The following GAB3 variants were observed in gnomAD, a reference collection of about 807,000 sequenced individuals.
The protein encoded by GAB3 is GRB2 associated binding protein 3, also known as GRB2-associated-binding protein 3.
A neutral mutation model predicts 40.4 loss-of-function variants in GAB3; 12 were observed. The ratio of observed to expected loss-of-function variants is 0.30; its 90% confidence interval spans 0.19 to 0.48. The LOEUF (loss-of-function observed/expected upper bound fraction) is 0.48, where lower values mean the gene tolerates loss of function less well. Among genes scored for constraint, GAB3 ranks in the 20% least tolerant of loss-of-function variants. The probability of loss-of-function intolerance (pLI) is 0.99; values close to 1 mark genes in which losing one functional copy is unlikely to be tolerated. For synonymous variants in GAB3, 154 were observed against 176.7 expected, an observed-to-expected ratio of 0.87 and a Z score of 1.02; for missense variants, 381 against 461.9, an observed-to-expected ratio of 0.82 and a Z score of 1.61.
At chrX:154,742,219 A>T (rs151045236) in intron 1 of GAB3, among the ~76,000 whole-genome samples, 1 of 112,398 alleles carries the variant, frequency 8.9e-6, no homozygotes, top group African/African-American at 3.2e-5. Context: ...AAAATACAAC[A>T]TATCACCAGA....
chrX:154,735,012 A>G (rs1038143130), intron 1 of GAB3, among the ~76,000 whole-genome samples: 4 of 52,870 alleles, frequency 7.6e-5, no homozygotes, highest in Admixed American at 5.6e-4. Flanking sequence ...GATAAATATG[A>G]ATGACCTAAT....
chrX:154,738,155 G>A (rs1557260761), intron 1 of GAB3, among the ~76,000 whole-genome samples: 1 of 112,507 alleles, frequency 8.9e-6, no homozygotes, highest in African/African-American at 3.2e-5. Flanking sequence ...AAGTCCGTTT[G>A]ACAGGAAGCT....
intron 1 of GAB3, among the ~76,000 whole-genome samples, chrX:154,735,637 T>G (rs1290580707): frequency 1.8e-5 from 2 of 112,137 alleles, no homozygotes; most frequent in African/African-American, 6.5e-5. Flanking sequence ...GCATCTCACC[T>G]GTATCACTGC....
intron 3 of GAB3, 43 bp downstream of exon 3, chrX:154,713,164 G>T: frequency 9.2e-7 from 1 of 1,083,695 alleles, no homozygotes; most frequent in Non-Finnish European, 1.3e-6. Flanking sequence ...TAGAGAGCAT[G>T]CTAGCAGGCC....
At chrX:154,733,847 G>C (rs1462567253) in intron 1 of GAB3, among the ~76,000 whole-genome samples, 2 of 112,228 alleles carry the variant, frequency 1.8e-5, no homozygotes, top group Non-Finnish European at 3.8e-5. Context: ...CATAGCTCAA[G>C]AGATCTCAAA....
In GAB3 at chrX:154,712,644, T is replaced by C. The variant is rs1325826702; in HGVS notation, c.654A>G (p.Ser218=). ...GGCAGTCAACAAAAACATCATCAAA[T>C]GAAGCCTGTTCCAATGAACGGTCTG... ...SNSDRSLEQA[S]FDDVFVDCLQ... is the part of the protein sequence containing the mutation. The change falls in exon 4 of 10, where the codon TCA becomes TCG. Residue 218 remains serine (S), a synonymous_variant. Transcript: ENST00000424127. 8.8e-7 allele frequency: 1 copy of C among 1,138,988 alleles called. No individual in the cohort carries two copies. Among genetic ancestry groups the C allele is most frequent in the African/African-American group, 1.8e-5 (1 of 54,864 alleles). 93.9% of individuals were successfully genotyped at this position (1,138,988 alleles called of 1,213,427 possible). A position where few individuals can be genotyped will look rare whatever the true frequency, so the allele number is the denominator to read the frequency against.
intron 8 of GAB3, among the ~76,000 whole-genome samples, chrX:154,694,858 A>G (rs1255031666): frequency 1.8e-5 from 2 of 112,054 alleles, no homozygotes; most frequent in East Asian, 2.8e-4. Context: ...TCTTCTAGAA[A>G]TTTCCCAAGG....
At chrX:154,715,373 G>A (rs1557257410) in intron 2 of GAB3, among the ~76,000 whole-genome samples, 1 of 110,023 alleles carries the variant, frequency 9.1e-6, no homozygotes, top group Non-Finnish European at 1.9e-5. Flanking sequence ...AATATACCTG[G>A]AAAATTACAT....
chrX:154,693,588 T>C (rs1471215070), intron 8 of GAB3, among the ~76,000 whole-genome samples: 1 of 111,375 alleles, frequency 9.0e-6, no homozygotes, highest in Non-Finnish European at 1.9e-5. Flanking sequence ...GGGTTACAGG[T>C]GAAGGGAGGA....
At chrX:154,718,588 A>G (rs1044031511) in intron 1 of GAB3, among the ~76,000 whole-genome samples, 28 of 111,534 alleles carry the variant, frequency 2.5e-4, no homozygotes, top group East Asian at 5.7e-4. Context: ...GCCACTAAAC[A>G]TAAGAGAAGG....
chrX:154,687,414 A>G (rs1353954753), intron 8 of GAB3, among the ~76,000 whole-genome samples: 24 of 109,665 alleles, frequency 2.2e-4, no homozygotes, highest in African/African-American at 7.6e-4. Flanking sequence ...GGCGGATCAC[A>G]AGGTCAGGAG....
chrX:154,746,006 C>G (rs937447228), intron 1 of GAB3, among the ~76,000 whole-genome samples: 4 of 100,970 alleles, frequency 4.0e-5, no homozygotes, highest in Non-Finnish European at 7.9e-5. Flanking sequence ...GAGCCAAGAT[C>G]GTGCCACTGC....
rs1557258143 is a variant in GAB3, at chrX:154,718,851, C to G, written c.73-2522G>C. ...CAAAAATGATTCTAAAAGAGGAAGT[C>G]AAACTAAGCACAGAAACAAGTTTCA... On this transcript the variant is annotated intron_variant, in intron 1 of 9. Coordinates refer to ENST00000424127, the MANE Select transcript of GAB3 (RefSeq NM_001081573.3). Among the ~76,000 whole-genome samples, 3 of 112,047 alleles carry G rather than the reference C, an allele frequency of 2.7e-5. No homozygotes were observed. In the Admixed American group the frequency reaches 2.8e-4, roughly 11 times the overall value.
chrX:154,743,526 G>A (rs1248916100), intron 1 of GAB3, among the ~76,000 whole-genome samples: 9 of 111,973 alleles, frequency 8.0e-5, no homozygotes, highest in Non-Finnish European at 1.7e-4. Flanking sequence ...ATTAGTAGTA[G>A]TGTATCATAC....
In GAB3 at chrX:154,742,491, T is replaced by C. The variant is rs1237718535; in HGVS notation, c.72+8463A>G. ...TCACACAAAGCCTATTTTATAATAGTTATAAGGAATTTTGAATCAAAATTC... is the reference window on the plus strand; with the variant it reads ...TCACACAAAGCCTATTTTATAATAGCTATAAGGAATTTTGAATCAAAATTC... On this transcript the variant is annotated intron_variant, in intron 1 of 9. Coordinates refer to ENST00000424127, the MANE Select transcript of GAB3 (RefSeq NM_001081573.3). 1.4e-4 allele frequency among the ~76,000 whole-genome samples: 16 copies of C among 110,473 alleles called. No homozygotes were observed. In the East Asian group the frequency reaches 4.2e-3, roughly 29 times the overall value.
At chrX:154,751,142 G>A (rs1192475285), upstream of GAB3, 3 of 663,367 alleles carry the variant, frequency 4.5e-6, no homozygotes, top group South Asian at 1.5e-4. Flanking sequence ...CGCCCCGAGC[G>A]GCCGCTGCGA....
chrX:154,682,660 T>C (rs2070389939), intron 8 of GAB3, among the ~76,000 whole-genome samples: 1 of 111,947 alleles, frequency 8.9e-6, no homozygotes, highest in Non-Finnish European at 1.9e-5. Context: ...TCTCTGAGAA[T>C]ATTGGTAATA....
intron 4 of GAB3, among the ~76,000 whole-genome samples, chrX:154,704,921 T>C (rs2070785794): frequency 9.0e-6 from 1 of 111,186 alleles, no homozygotes; most frequent in Non-Finnish European, 1.9e-5. Flanking sequence ...CAATAATGAG[T>C]AATGAGATTG....
In GAB3 at chrX:154,736,187, A is replaced by G. The variant is rs1201936009; in HGVS notation, c.72+14767T>C. 9.8e-5 allele frequency among the ~76,000 whole-genome samples: 11 copies of G among 112,688 alleles called. No homozygotes were observed. The East Asian group carries it at 2.8e-3, about 28-fold the overall frequency. Reference sequence around the variant, plus strand: ...CCTTTATTGGCTACTTATGAAGTGCATTACATATAACTCACTTCATCCTCA... The same window carrying G: ...CCTTTATTGGCTACTTATGAAGTGCGTTACATATAACTCACTTCATCCTCA... On this transcript the variant is annotated intron_variant, in intron 1 of 9. Transcript: ENST00000424127.
Sources: gnomAD v4.1 joint callset for allele counts (sites outside exome capture counted in the v4.1 genomes callset) on GRCh38, gnomAD v4.1.1 for gene constraint, MANE v1.5 for transcripts, NCBI Gene and HGNC (gene_info 2026-07-23, HGNC 2026-07-21) for gene names.